The following GRB10 variants were observed in gnomAD, a reference collection of about 807,000 sequenced individuals.
GRB10 encodes the protein growth factor receptor bound protein 10, also known as growth factor receptor-bound protein 10.
GRB10 carries 20 observed loss-of-function variants against 80.9 expected under a neutral mutation model. That is an observed-to-expected ratio of 0.25 (90% CI 0.17 to 0.36). The LOEUF is 0.36. Ranked by LOEUF, GRB10 falls within the 10% of genes least tolerant of loss-of-function variation. The pLI, the probability that GRB10 is intolerant of heterozygous loss-of-function variation, is 1.00. For missense variants in GRB10, 548 were observed against 747.7 expected, an observed-to-expected ratio of 0.73 and a Z score of 3.12; for synonymous variants, 291 against 291.5, an observed-to-expected ratio of 1.00 and a Z score of 0.02.
intron 15 of GRB10, 31 bp from the exon 16 acceptor site, chr7:50,604,408 G>C: frequency 6.4e-7 from 1 of 1,566,886 alleles, no homozygotes; most frequent in Non-Finnish European, 8.8e-7. Context: ...TAGCACCGAG[G>C]ACAGCAGACA....
At chr7:50,728,883 C>G (rs1241769652) in intron 4 of GRB10, among the ~76,000 whole-genome samples, 1 of 152,168 alleles carries the variant, frequency 6.6e-6, no homozygotes, top group Non-Finnish European at 1.5e-5. Context: ...GTTGGCCAAG[C>G]TGGTCTCGAA....
intron 1 of GRB10, among the ~76,000 whole-genome samples, chr7:50,792,021 A>G (rs557304061): frequency 4.6e-5 from 7 of 152,312 alleles, no homozygotes; most frequent in African/African-American, 1.7e-4. Context: ...TGTAAACCCT[A>G]GTCAACTCCG....
At chr7:50,663,883 C>A (rs900107157) in intron 7 of GRB10, among the ~76,000 whole-genome samples, 1 of 152,214 alleles carries the variant, frequency 6.6e-6, no homozygotes. Context: ...ATGCCACAGC[C>A]GAAACCAGCA....
At position 50,674,450 on chromosome 7, in the gene GRB10, G is replaced by C. The variant is rs781555112; in HGVS notation, c.348C>G (p.His116Gln). Residue 116 changes from histidine to glutamine, a missense_variant, in exon 6 of 19, where the codon CAC becomes CAG. Physicochemically the swap from His to Gln is conservative, Grantham distance 24. Transcript: ENST00000401949. ...RQRVQRSQPV[H>Q]ILAVRRLQEE... ...CCTGGACCTACCTGACAGCGAGGAT[G>C]TGCACAGGCTGGGAGCGCTGCACCC... 11 of 1,605,428 alleles carry C rather than the reference G, an allele frequency of 6.9e-6. No homozygotes were observed. Among genetic ancestry groups the C allele is most frequent in the Non-Finnish European group, 9.3e-6 (11 of 1,179,974 alleles).
At chr7:50,626,689 G>T in intron 8 of GRB10, 133 bp downstream of exon 8, 1 of 983,128 alleles carries the variant, frequency 1.0e-6, no homozygotes. Flanking sequence ...GGAGAGTCGA[G>T]GGGAACCCAG....
intron 13 of GRB10, among the ~76,000 whole-genome samples, chr7:50,607,814 T>C (rs886528166): frequency 6.6e-6 from 1 of 152,116 alleles, no homozygotes; most frequent in African/African-American, 2.4e-5. Flanking sequence ...CTGCAAAGTC[T>C]CATACACATC....
At chr7:50,605,047 CTG>C in intron 15 of GRB10, 1 of 557,546 alleles carries the variant, frequency 1.8e-6, no homozygotes, top group African/African-American at 1.9e-5. Flanking sequence ...GCAGAGAACT[CTG>C]TTCCTCTCCT....
chr7:50,743,753 C>G (rs1328723021), intron 3 of GRB10, among the ~76,000 whole-genome samples: 1 of 152,162 alleles, frequency 6.6e-6, no homozygotes, highest in Non-Finnish European at 1.5e-5. Flanking sequence ...TTCTAGGCAC[C>G]CTCACCACTA....
chr7:50,628,504 C>A (rs7792075), intron 7 of GRB10, among the ~76,000 whole-genome samples: 2 of 151,798 alleles, frequency 1.3e-5, no homozygotes, highest in South Asian at 2.1e-4. Flanking sequence ...AGCTAGCTAC[C>A]CTCAGCTGTC....
At chr7:50,667,673 A>AAAAGAAC (rs1404128910) in intron 7 of GRB10, among the ~76,000 whole-genome samples, 2 of 152,154 alleles carry the variant, frequency 1.3e-5, no homozygotes, top group Non-Finnish European at 2.9e-5. Flanking sequence ...GAAAAAAAAA[A>AAAAGAAC]AAAGAACAAA....
rs180920161 is a variant in GRB10 at position 50,669,979 on chromosome 7, T to A, written c.363-116A>T. ...ACAGGGCTTCTAGGAGTCACTGGCA[T>A]GCCCACGTTCACAGTGGCATCCTTC... On this transcript the variant is annotated intron_variant, in intron 6 of 18. Transcript: ENST00000401949. 332 of 1,291,496 alleles carry A rather than the reference T, an allele frequency of 2.6e-4. 3 individuals carry two copies. The East Asian group carries it at 8.4e-3, about 33-fold the overall frequency. 80.0% of individuals were successfully genotyped at this position (1,291,496 alleles called of 1,614,324 possible).
chr7:50,775,011 A>T (rs1038960824), intron 2 of GRB10, among the ~76,000 whole-genome samples: 1 of 150,752 alleles, frequency 6.6e-6, no homozygotes, highest in Non-Finnish European at 1.5e-5. Context: ...AAAAAAAAAA[A>T]CTAGCTGGGC....
At position 50,590,192 on chromosome 7, in the gene GRB10, A is replaced by G. The variant is rs1015165964; in HGVS notation, c.*2760T>C. The G allele has an allele frequency of 6.6e-6, 1 of 152,252 alleles. No individual in the cohort carries two copies. The allele number at this position is 152,252 out of a possible 1,614,324, so 9.4% of individuals were successfully genotyped here. A position where few individuals can be genotyped will look rare whatever the true frequency, so the allele number is the denominator to read the frequency against. On this transcript the variant is annotated 3_prime_UTR_variant, in exon 19 of 19. Transcript: ENST00000401949. The stretch of plus-strand genomic sequence containing the variant: ...AGCCAAAGAGCTATGTACAGAATGA[A>G]GCAAAGCACATGGAATAAAGGTTTT...
At chr7:50,637,790 A>G (rs2055356936) in intron 7 of GRB10, among the ~76,000 whole-genome samples, 1 of 152,114 alleles carries the variant, frequency 6.6e-6, no homozygotes, top group African/African-American at 2.4e-5. Context: ...GTATTATATT[A>G]CCTGACTTCA....
intron 2 of GRB10, among the ~76,000 whole-genome samples, chr7:50,774,859 T>C (rs1459397479): frequency 6.6e-6 from 1 of 151,952 alleles, no homozygotes; most frequent in Admixed American, 6.6e-5. Flanking sequence ...GGCAAAGTAC[T>C]TCAGACTTCA....
intron 2 of GRB10, among the ~76,000 whole-genome samples, chr7:50,776,293 A>G (rs1462192042): frequency 6.6e-6 from 1 of 152,104 alleles, no homozygotes; most frequent in Non-Finnish European, 1.5e-5. Flanking sequence ...GGCTCACTGT[A>G]GCCTTGACCT....
intron 2 of GRB10, among the ~76,000 whole-genome samples, chr7:50,756,441 T>A (rs1587897540): frequency 6.6e-6 from 1 of 152,240 alleles, no homozygotes; most frequent in Non-Finnish European, 1.5e-5. Flanking sequence ...GGCTACAACC[T>A]TCGGCCCACC....
chr7:50,676,683 G>C (rs1211955273), intron 5 of GRB10, among the ~76,000 whole-genome samples: 2 of 152,138 alleles, frequency 1.3e-5, no homozygotes, highest in African/African-American at 4.8e-5. Context: ...AGGCTAAAGG[G>C]CATAACAAGA....
At chr7:50,660,754 T>C (rs1464709756) in intron 7 of GRB10, among the ~76,000 whole-genome samples, 2 of 152,072 alleles carry the variant, frequency 1.3e-5, no homozygotes, top group African/African-American at 4.8e-5. Context: ...AATGGCGGGA[T>C]GAGTTGAAGT....
Sources: gnomAD v4.1 joint callset for allele counts (sites outside exome capture counted in the v4.1 genomes callset) on GRCh38, gnomAD v4.1.1 for gene constraint, MANE v1.5 for transcripts, NCBI Gene and HGNC (gene_info 2026-07-23, HGNC 2026-07-21) for gene names.